Variants in PPAT observed in about 807,000 individuals in gnomAD.
PPAT encodes the protein phosphoribosyl pyrophosphate amidotransferase.
In PPAT, 20 loss-of-function variants were observed where a neutral mutation model predicts 60.2. The observed-to-expected ratio is 0.33, with a 90% CI of 0.23 to 0.48. The LOEUF is 0.48. PPAT is among the 20% of genes least tolerant of loss of function. The pLI, the probability that PPAT is intolerant of heterozygous loss-of-function variation, is 0.99. For missense variants in PPAT, 349 were observed against 629.6 expected (o/e 0.55, Z 4.77); for synonymous variants, 194 against 215.1 (o/e 0.90, Z 0.86).
At chr4:56,419,151 A>G (rs1355522589) in intron 1 of PPAT, among the ~76,000 whole-genome samples, 1 of 152,230 alleles carries the variant, frequency 6.6e-6, no homozygotes, top group Non-Finnish European at 1.5e-5. Context: ...CAGTAGACTG[A>G]TATATAGCCA....
chr4:56,417,902 G>A (rs867190892), intron 1 of PPAT, among the ~76,000 whole-genome samples: 1 of 148,744 alleles, frequency 6.7e-6, no homozygotes, highest in African/African-American at 2.5e-5. Context: ...GTGCAGTGGT[G>A]CAATCTCGGC....
chr4:56,406,042 C>A (rs951157118), intron 3 of PPAT, among the ~76,000 whole-genome samples: 5 of 152,128 alleles, frequency 3.3e-5, no homozygotes, highest in African/African-American at 1.2e-4. Context: ...TTATAGGATA[C>A]CCATTTGGTG....
chr4:56,406,614 C>T lies in PPAT; in HGVS notation c.283G>A (p.Ala95Thr). ...TCTAGTTCACATTTTCCTGTGGTGG[C>T]ATACCTGGTGTGTCCAATTCCAAGA... ...SNLGIGHTRYATTGKCELENC... is the reference protein window; with the variant it reads ...SNLGIGHTRYTTTGKCELENC... Residue 95 changes from alanine to threonine, a missense_variant, in exon 3 of 11, where the codon GCC becomes ACC. Around this residue, in one of 5 missense-constraint regions of PPAT, gnomAD observed 115 missense variants for 174.5 expected, o/e 0.66. Transcript: ENST00000264220. 6.2e-7 allele frequency: 1 copy of T among 1,613,162 alleles called. No homozygotes were observed.
chr4:56,428,526 A>G (rs1717413810), intron 1 of PPAT, among the ~76,000 whole-genome samples: 1 of 151,986 alleles, frequency 6.6e-6, no homozygotes, highest in African/African-American at 2.4e-5. Flanking sequence ...AAAAATGGCA[A>G]CCCTCCAAGA....
intron 10 of PPAT, among the ~76,000 whole-genome samples, chr4:56,395,924 G>A (rs1715957274): frequency 6.6e-6 from 1 of 152,044 alleles, no homozygotes; most frequent in African/African-American, 2.4e-5. Flanking sequence ...TATATAAGAT[G>A]GTGGAAACAT....
Position 56,396,934 on chromosome 4 carries a change from C to A in PPAT, c.1237-195G>T. ...GAGGAAGTTTCTTTGTCTAGATATC[C>A]TACTTCTCATTTGATGTCTTTACAT... is the stretch of plus-strand genomic sequence containing the variant. On this transcript the variant is annotated intron_variant, in intron 9 of 10. Transcript: ENST00000264220. This position sits in a 1 kb window ranked among gnomAD's most constrained non-coding sequence, Gnocchi z 4.6. 2.3e-6 allele frequency: 1 copy of A among 428,950 alleles called. No individual in the cohort carries two copies. The highest frequency in any genetic ancestry group is 4.0e-6 in the Non-Finnish European group (1 of 251,774). 26.6% of individuals were successfully genotyped at this position (428,950 alleles called of 1,614,324 possible). A position where few individuals can be genotyped will look rare whatever the true frequency, so the allele number is the denominator to read the frequency against.
chr4:56,401,025 T>C (rs1716094801), intron 7 of PPAT, 114 bp from the exon 8 acceptor site: 1 of 1,083,810 alleles, frequency 9.2e-7, no homozygotes, highest in South Asian at 1.8e-5. Flanking sequence ...AAATGCAATA[T>C]ATACAAAAAT....
chr4:56,400,858 C>T lies in PPAT; in HGVS notation c.940G>A (p.Ala314Thr). The T allele has an allele frequency of 6.2e-7, 1 of 1,613,404 alleles. No individual in the cohort carries two copies. Among genetic ancestry groups the T allele is most frequent in the Non-Finnish European group, 8.5e-7 (1 of 1,179,344 alleles). The change falls in exon 8 of 11, where the codon GCA becomes ACA. Residue 314 changes from alanine to threonine, a missense_variant. By Grantham distance (58) the Ala-to-Thr change is moderately conservative (BLOSUM62 0). Coordinates refer to ENST00000264220, the MANE Select transcript of PPAT (RefSeq NM_002703.5). ...CTAACCAAATCTGCATCCACAGGTG[C>T]TTCAATCGCTAGCTGCTGGCCACAA... ...YRCGQQLAIE[A>T]PVDADLVSTV...
Position 56,396,616 on chromosome 4 carries a change from T to G in PPAT, c.1357+3A>C. ...CAAAGTTTATAGAAATTTTAATACTTACCTAGATATTCTGCAAGGTGATCA... is the reference window on the plus strand; with the variant it reads ...CAAAGTTTATAGAAATTTTAATACTGACCTAGATATTCTGCAAGGTGATCA... On this transcript the variant is annotated splice_donor_region_variant and intron_variant, in intron 10 of 10. Transcript: ENST00000264220. The surrounding 1 kb of genome is among the most constrained non-coding windows in gnomAD (Gnocchi z 4.6). 6.2e-7 allele frequency: 1 copy of G among 1,600,744 alleles called. No individual in the cohort carries two copies. The highest frequency in any genetic ancestry group is 8.5e-7 in the Non-Finnish European group (1 of 1,171,122).
intron 2 of PPAT, 112 bp downstream of exon 2, chr4:56,407,538 G>A: frequency 1.2e-6 from 1 of 803,368 alleles, no homozygotes; most frequent in Non-Finnish European, 2.1e-6. Context: ...GGCTGGTCTT[G>A]AACTCCCGAC....
rs1716092452 is a variant in PPAT at position 56,400,917 on chromosome 4, G to A, written c.887-6C>T. The A allele has an allele frequency of 6.2e-7, 1 of 1,608,818 alleles. No homozygotes were observed. On this transcript the variant is annotated splice_polypyrimidine_tract_variant and splice_region_variant and intron_variant, in intron 7 of 10. Transcript: ENST00000264220. Reference sequence around the variant, plus strand: ...TACTGTATAAACCATTTGGTCTGGTGTGTTTGGAAAAGGAGAGAGAGTATT... The same window carrying A: ...TACTGTATAAACCATTTGGTCTGGTATGTTTGGAAAAGGAGAGAGAGTATT...
intron 1 of PPAT, among the ~76,000 whole-genome samples, chr4:56,419,427 C>T (rs1384436606): frequency 1.3e-5 from 2 of 152,038 alleles, no homozygotes; most frequent in African/African-American, 2.4e-5. Context: ...AGCCAGTAAC[C>T]GGCATAATAA....
chr4:56,435,436 C>T lies in PPAT; in HGVS notation c.42G>A (p.Val14=). Residue 14 remains valine (V), a synonymous_variant, in exon 1 of 11, where the codon GTG becomes GTA. Transcript: ENST00000264220. The stretch of plus-strand genomic sequence containing the variant: ...ACTCTCCTGAGGCGATGCACCCGAA[C>T]ACGCCACATTCCTCTCGGATCCCCA... The part of the protein sequence containing the change: ...EELGIREECG[V]FGCIASGEWP... 1 of 1,613,970 alleles carries T rather than the reference C, an allele frequency of 6.2e-7. No homozygotes were observed. The highest frequency in any genetic ancestry group is 8.5e-7 in the Non-Finnish European group (1 of 1,179,902).
chr4:56,399,405 TAGAG>T lies in PPAT; in HGVS notation c.1015-9_1015-6del. On this transcript the variant is annotated splice_polypyrimidine_tract_variant and splice_region_variant and intron_variant, in intron 8 of 10. Coordinates refer to ENST00000264220, the MANE Select transcript of PPAT (RefSeq NM_002703.5). ...CTCCACATATGGAAGTCCACACTGA[TAGAG>T]AAGAAATGAAAGGATAATGAGGAGT... is the stretch of plus-strand genomic sequence containing the variant. 1 of 1,603,964 alleles carries T rather than the reference TAGAG, an allele frequency of 6.2e-7. No individual in the cohort carries two copies. Among genetic ancestry groups the T allele is most frequent in the Non-Finnish European group, 8.5e-7 (1 of 1,171,150 alleles).
At chr4:56,424,969 T>C (rs910166849) in intron 1 of PPAT, among the ~76,000 whole-genome samples, 4 of 152,164 alleles carry the variant, frequency 2.6e-5, no homozygotes, top group Non-Finnish European at 5.9e-5. Context: ...ATATATCCTA[T>C]TAGAGGAGGT....
chr4:56,434,939 C>A (rs987093537), intron 1 of PPAT, among the ~76,000 whole-genome samples: 8 of 152,208 alleles, frequency 5.3e-5, no homozygotes, highest in Admixed American at 3.9e-4. Context: ...GTTGAAGGAC[C>A]TGGACTGGCC....
At chr4:56,422,981 A>G (rs1196612129) in intron 1 of PPAT, 1 of 152,166 alleles carries the variant, frequency 6.6e-6, no homozygotes, top group Non-Finnish European at 1.5e-5. Context: ...TAATGATGCA[A>G]GCAAGTTTGA....
At chr4:56,420,628 A>G (rs1286551837) in intron 1 of PPAT, 1 of 152,246 alleles carries the variant, frequency 6.6e-6, no homozygotes, top group East Asian at 1.9e-4. Context: ...AAATAGATCA[A>G]TTTTAATAAA....
At chr4:56,407,788 T>C in intron 1 of PPAT, 72 bp from the exon 2 acceptor site, 3 of 1,200,888 alleles carry the variant, frequency 2.5e-6, no homozygotes, top group Non-Finnish European at 1.2e-6. Flanking sequence ...TTATCAAGCA[T>C]ACTTTCTCAA....
Sources: gnomAD v4.1 joint callset for allele counts (sites outside exome capture counted in the v4.1 genomes callset) on GRCh38, gnomAD v4.1.1 for gene constraint, gnomAD v4.1.1 regional missense constraint, Gnocchi (gnomAD v3.1) non-coding constraint, MANE v1.5 for transcripts, NCBI Gene and HGNC (gene_info 2026-07-23, HGNC 2026-07-21) for gene names.